The following TM2D1 variants were observed in gnomAD, a reference collection of about 807,000 sequenced individuals.
The protein encoded by TM2D1 is TM2 domain-containing protein 1.
Under a neutral mutation model 28.4 loss-of-function variants are expected in TM2D1, and 15 were observed. That is an observed-to-expected ratio of 0.53 (90% CI 0.35 to 0.81). The LOEUF (loss-of-function observed/expected upper bound fraction) is 0.81, where lower values mean the gene tolerates loss of function less well. TM2D1 is among the 40% of genes least tolerant of loss of function. TM2D1 has a pLI of 0.01. For synonymous variants in TM2D1, 93 were observed against 96.2 expected (o/e 0.97, Z 0.20); for missense variants, 236 against 254.9 (o/e 0.93, Z 0.50).
chr1:61,721,075 C>T (rs1360198969), intron 2 of TM2D1, among the ~76,000 whole-genome samples: 1 of 151,498 alleles, frequency 6.6e-6, no homozygotes, highest in African/African-American at 2.4e-5. Flanking sequence ...CAAAAAAATA[C>T]AAAAAATTAG....
chr1:61,688,496 G>A (rs1470701402), intron 5 of TM2D1, among the ~76,000 whole-genome samples: 8 of 152,266 alleles, frequency 5.3e-5, no homozygotes, highest in South Asian at 2.1e-4. Context: ...AGGCTGAGGC[G>A]GGCAGGTAAC....
At chr1:61,683,818 G>T in intron 5 of TM2D1, 1 of 232,174 alleles carries the variant, frequency 4.3e-6, no homozygotes, top group Non-Finnish European at 8.3e-6. Flanking sequence ...TCCTTGCTTA[G>T]CTCTGCTTGT....
At chr1:61,717,968 C>T (rs915076225) in intron 2 of TM2D1, among the ~76,000 whole-genome samples, 1 of 151,966 alleles carries the variant, frequency 6.6e-6, no homozygotes, top group Non-Finnish European at 1.5e-5. Flanking sequence ...GAGCCGTGAT[C>T]GCACCACTGC....
At chr1:61,692,540 A>G (rs1644335724) in intron 5 of TM2D1, among the ~76,000 whole-genome samples, 3 of 152,162 alleles carry the variant, frequency 2.0e-5, no homozygotes, top group Admixed American at 1.3e-4. Flanking sequence ...AGAGAAAGAA[A>G]AGAAAAAAAA....
intron 2 of TM2D1, 122 bp from the exon 3 acceptor site, chr1:61,709,559 T>A: frequency 1.5e-6 from 1 of 674,528 alleles, no homozygotes. Flanking sequence ...GACACAAGCC[T>A]TTAATTTTAG....
At chr1:61,688,347 G>A (rs1644298114) in intron 5 of TM2D1, among the ~76,000 whole-genome samples, 1 of 152,034 alleles carries the variant, frequency 6.6e-6, no homozygotes, top group African/African-American at 2.4e-5. Flanking sequence ...CAGTCACTTC[G>A]GTTTTCCAAT....
At chr1:61,686,826 G>A (rs1377812634) in intron 5 of TM2D1, 1 of 975,238 alleles carries the variant, frequency 1.0e-6, no homozygotes, top group Admixed American at 6.2e-5. Context: ...GGGAGGCTGA[G>A]GCAGGAAGAT....
At chr1:61,698,790 G>C (rs1413356084) in intron 4 of TM2D1, 1 of 149,576 alleles carries the variant, frequency 6.7e-6, no homozygotes, top group Non-Finnish European at 1.5e-5. Flanking sequence ...TCACTATGTT[G>C]TCTCTGCTGG....
chr1:61,713,499 A>C (rs1401359006), intron 2 of TM2D1, among the ~76,000 whole-genome samples: 2 of 136,168 alleles, frequency 1.5e-5, no homozygotes, highest in South Asian at 4.2e-4. Flanking sequence ...AAAAAAAAAA[A>C]AAAAAAAAAA....
chr1:61,707,513 A>G (rs897487025), intron 3 of TM2D1, among the ~76,000 whole-genome samples: 27 of 152,212 alleles, frequency 1.8e-4, no homozygotes, highest in Non-Finnish European at 3.7e-4. Flanking sequence ...TAGAATGTTT[A>G]AGGTAGAAAT....
chr1:61,717,702 T>C (rs1644532485), intron 2 of TM2D1, among the ~76,000 whole-genome samples: 1 of 151,852 alleles, frequency 6.6e-6, no homozygotes, highest in East Asian at 1.9e-4. Context: ...GACTACCAAA[T>C]AGCCAGGATT....
chr1:61,706,035 C>T (rs967598638), intron 3 of TM2D1, among the ~76,000 whole-genome samples: 5 of 152,162 alleles, frequency 3.3e-5, no homozygotes, highest in Non-Finnish European at 5.9e-5. Context: ...AAGAATGTAT[C>T]GCTGAGTCTT....
At chr1:61,712,971 G>C (rs919872101) in intron 2 of TM2D1, among the ~76,000 whole-genome samples, 3 of 151,970 alleles carry the variant, frequency 2.0e-5, no homozygotes, top group African/African-American at 7.2e-5. Flanking sequence ...CTTGAGGTCA[G>C]GTCACCTGAC....
At chr1:61,700,364 A>C in intron 4 of TM2D1, 2 of 1,309,726 alleles carry the variant, frequency 1.5e-6, no homozygotes, top group South Asian at 5.0e-5. Context: ...TTTAAACAAA[A>C]GCTATCATAA....
intron 5 of TM2D1, chr1:61,694,492 T>C: frequency 2.5e-6 from 1 of 397,296 alleles, no homozygotes. Context: ...CTTATGTCTT[T>C]GAGAACTACT....
intron 5 of TM2D1, 188 bp from the exon 6 acceptor site, chr1:61,683,734 CA>C: frequency 2.7e-6 from 1 of 366,222 alleles, no homozygotes. Flanking sequence ...TGGGATAGCT[CA>C]AAGGATCAAA....
intron 2 of TM2D1, among the ~76,000 whole-genome samples, chr1:61,717,337 C>A (rs1304465849): frequency 2.0e-5 from 3 of 151,318 alleles, no homozygotes; most frequent in African/African-American, 7.3e-5. Flanking sequence ...CACTGCACTC[C>A]AGCCTGGGAA....
intron 1 of TM2D1, 22 bp downstream of exon 1, chr1:61,724,935 G>A (rs952216276): frequency 1.3e-6 from 2 of 1,569,336 alleles, no homozygotes; most frequent in Non-Finnish European, 1.7e-6. Context: ...CTCCATGGGG[G>A]GGTGTTCTCC....
At chr1:61,716,471 A>T (rs1433664349) in intron 2 of TM2D1, among the ~76,000 whole-genome samples, 2 of 145,476 alleles carry the variant, frequency 1.4e-5, no homozygotes, top group Non-Finnish European at 3.0e-5. Flanking sequence ...ATATATAATT[A>T]TATATAATTT....
Sources: gnomAD v4.1 joint callset for allele counts (sites outside exome capture counted in the v4.1 genomes callset) on GRCh38, gnomAD v4.1.1 for gene constraint, MANE v1.5 for transcripts, NCBI Gene and HGNC (gene_info 2026-07-23, HGNC 2026-07-21) for gene names.